The following SCFD2 variants were observed in gnomAD, a reference collection of about 807,000 sequenced individuals.
SCFD2 encodes sec1 family domain-containing protein 2.
SCFD2 carries 54 observed loss-of-function variants against 58.9 expected under a neutral mutation model. The ratio of observed to expected loss-of-function variants is 0.92; its 90% CI spans 0.74 to 1.15. SCFD2 has a LOEUF of 1.15. Ranked by LOEUF, SCFD2 falls within the 50% of genes most tolerant of loss-of-function variation. SCFD2 has a pLI of 0.00. For synonymous variants in SCFD2, 321 were observed against 335.9 expected (o/e 0.96, Z 0.49); for missense variants, 805 against 836.6 (o/e 0.96, Z 0.47).
intron 5 of SCFD2, among the ~76,000 whole-genome samples, chr4:53,098,344 C>T (rs1276396234): frequency 2.0e-5 from 3 of 152,090 alleles, no homozygotes; most frequent in Non-Finnish European, 2.9e-5. Flanking sequence ...TCCGTCAGGT[C>T]CTGGACTTTT....
At chr4:53,012,275 T>G (rs1722110967) in intron 5 of SCFD2, among the ~76,000 whole-genome samples, 1 of 152,102 alleles carries the variant, frequency 6.6e-6, no homozygotes, top group Non-Finnish European at 1.5e-5. Context: ...ACGAATTGCA[T>G]GGCTTACAAG....
chr4:53,234,878 T>C (rs1729548441), intron 4 of SCFD2, among the ~76,000 whole-genome samples: 1 of 152,240 alleles, frequency 6.6e-6, no homozygotes, highest in African/African-American at 2.4e-5. Context: ...TACAGTGCCT[T>C]AAGCAAGATA....
chr4:53,105,872 A>AC (rs1396468459), intron 5 of SCFD2, among the ~76,000 whole-genome samples: 9 of 140,520 alleles, frequency 6.4e-5, no homozygotes, highest in Admixed American at 2.8e-4. Flanking sequence ...TGGGTCCCTG[A>AC]CCCCCCCACC....
chr4:52,917,873 A>ACGGGTTAACG (rs1719644726), intron 6 of SCFD2, among the ~76,000 whole-genome samples: 2 of 152,178 alleles, frequency 1.3e-5, no homozygotes, highest in African/African-American at 4.8e-5. Context: ...TAATGGGTAA[A>ACGGGTTAACG]GATTAAAATA....
At chr4:53,363,854 A>G (rs1734622997) in intron 1 of SCFD2, among the ~76,000 whole-genome samples, 1 of 149,848 alleles carries the variant, frequency 6.7e-6, no homozygotes, top group African/African-American at 2.4e-5. Context: ...AGCATTACCT[A>G]CTGAAGATGT....
In SCFD2 at chr4:52,901,406, G is replaced by A. The variant is rs2101203; in HGVS notation, c.1842+6051C>T. Among the ~76,000 whole-genome samples, 868 of 152,300 alleles carry A rather than the reference G, an allele frequency of 5.7e-3. 15 individuals are homozygous for A. The highest frequency in any genetic ancestry group is 0.02 in the African/African-American group (823 of 41,558). On this transcript the variant is annotated intron_variant, in intron 7 of 8. Coordinates refer to ENST00000401642, the MANE Select transcript of SCFD2 (RefSeq NM_152540.4). ...CAGTGCTGTGGAAGTGATGTTATGTGGCACTTAAGGCTAGGCCATAAAATA... is the reference window on the plus strand; with the variant it reads ...CAGTGCTGTGGAAGTGATGTTATGTAGCACTTAAGGCTAGGCCATAAAATA...
intron 3 of SCFD2, among the ~76,000 whole-genome samples, chr4:53,295,621 C>A (rs1254003035): frequency 1.3e-5 from 2 of 152,198 alleles, no homozygotes; most frequent in Admixed American, 1.3e-4. Flanking sequence ...TAATTGAACA[C>A]CTTTATTTCT....
chr4:52,882,272 G>A (rs1032479277), intron 8 of SCFD2, among the ~76,000 whole-genome samples: 2 of 152,154 alleles, frequency 1.3e-5, no homozygotes, highest in African/African-American at 4.8e-5. Context: ...GAATTGTCGT[G>A]GGGAAGAGGG....
intron 4 of SCFD2, among the ~76,000 whole-genome samples, chr4:53,165,241 T>A (rs1166846839): frequency 1.3e-5 from 2 of 152,262 alleles, no homozygotes; most frequent in Non-Finnish European, 2.9e-5. Flanking sequence ...GCCACTGAAC[T>A]GTTTGAGTTT....
intron 4 of SCFD2, among the ~76,000 whole-genome samples, chr4:53,235,064 T>C (rs1225473683): frequency 1.3e-5 from 2 of 152,202 alleles, no homozygotes; most frequent in Non-Finnish European, 2.9e-5. Flanking sequence ...TCTGGCTGCA[T>C]TTCAGCAAGC....
At chr4:53,236,011 T>C (rs1306001532) in intron 4 of SCFD2, among the ~76,000 whole-genome samples, 2 of 152,132 alleles carry the variant, frequency 1.3e-5, no homozygotes, top group East Asian at 1.9e-4. Flanking sequence ...ATGGTTAATA[T>C]TGAGTGTAAA....
intron 2 of SCFD2, among the ~76,000 whole-genome samples, chr4:53,328,008 G>A (rs1448990051): frequency 6.6e-6 from 1 of 152,118 alleles, no homozygotes; most frequent in East Asian, 1.9e-4. Context: ...GGTGGCATGT[G>A]CCTGTAGTCC....
intron 5 of SCFD2, among the ~76,000 whole-genome samples, chr4:53,102,929 T>A (rs757173949): frequency 6.6e-6 from 1 of 152,124 alleles, no homozygotes; most frequent in African/African-American, 2.4e-5. Flanking sequence ...TCTATACTTA[T>A]AATAAATAAA....
intron 4 of SCFD2, 46 bp from the exon 5 acceptor site, chr4:53,145,628 C>T: frequency 1.9e-6 from 3 of 1,547,030 alleles, no homozygotes; most frequent in Non-Finnish European, 2.7e-6. Context: ...TGTATAAAGA[C>T]ATAATTTATG....
At chr4:52,956,910 G>GA (rs34451734) in intron 5 of SCFD2, 46,142 of 152,388 alleles carry the variant, frequency 0.3, 7,340 homozygotes, top group South Asian at 0.44. Context: ...CAGGGGAAAA[G>GA]AAACAGGGAT....
intron 1 of SCFD2, among the ~76,000 whole-genome samples, chr4:53,357,574 A>T (rs1734437382): frequency 6.6e-6 from 1 of 152,194 alleles, no homozygotes; most frequent in Admixed American, 6.5e-5. Context: ...CCAGGATGTG[A>T]GGTTATCCTG....
intron 4 of SCFD2, among the ~76,000 whole-genome samples, chr4:53,212,761 C>T (rs1728662586): frequency 6.6e-6 from 1 of 151,612 alleles, no homozygotes; most frequent in Admixed American, 6.6e-5. Context: ...CATTTTTTCT[C>T]TTGAGGTGAT....
intron 5 of SCFD2, among the ~76,000 whole-genome samples, chr4:53,044,571 T>G (rs1722981079): frequency 6.6e-6 from 1 of 150,466 alleles, no homozygotes; most frequent in South Asian, 2.1e-4. Flanking sequence ...TTCCTTTCCC[T>G]TTCCCCTTCC....
chr4:53,014,246 G>A (rs1052588241), intron 5 of SCFD2, among the ~76,000 whole-genome samples: 10 of 152,138 alleles, frequency 6.6e-5, no homozygotes, highest in African/African-American at 2.4e-4. Flanking sequence ...ATTGTTCCAG[G>A]CAAAAGAAAC....
Sources: allele counts gnomAD v4.1 joint callset (sites outside exome capture counted in the v4.1 genomes callset), GRCh38; gene constraint gnomAD v4.1.1; transcripts MANE v1.5; gene names NCBI Gene and HGNC (gene_info 2026-07-23, HGNC 2026-07-21).